Variants in PRDM11 observed in about 807,000 individuals in gnomAD.
The protein encoded by PRDM11 is PR domain-containing protein 11.
A neutral mutation model predicts 97.8 loss-of-function variants in PRDM11; 20 were observed. The observed-to-expected ratio is 0.20, with a 90% CI of 0.14 to 0.30. The LOEUF (loss-of-function observed/expected upper bound fraction) is 0.30. Among genes scored for constraint, PRDM11 ranks in the 10% least tolerant of loss-of-function variants. The pLI is 1.00. For missense variants in PRDM11, 1,139 were observed against 1,555.2 expected, an observed-to-expected ratio of 0.73 and a Z score of 4.50; for synonymous variants, 599 against 637.7, an observed-to-expected ratio of 0.94 and a Z score of 0.91.
chr11:45,178,247 G>A (rs990200786), intron 1 of PRDM11, among the ~76,000 whole-genome samples: 5 of 151,590 alleles, frequency 3.3e-5, no homozygotes, highest in South Asian at 2.1e-4. Context: ...TGCCCTCCTC[G>A]TTTATTCCTA....
At chr11:45,148,038 G>C (rs1482701867) in intron 1 of PRDM11, among the ~76,000 whole-genome samples, 2 of 152,138 alleles carry the variant, frequency 1.3e-5, no homozygotes, top group African/African-American at 4.8e-5. Context: ...TGGGAGGGAG[G>C]AAGGTTCGGG....
At chr11:45,097,633 A>AT (rs1415909542) in intron 1 of PRDM11, among the ~76,000 whole-genome samples, 3 of 152,084 alleles carry the variant, frequency 2.0e-5, no homozygotes, top group Non-Finnish European at 4.4e-5. Flanking sequence ...TTTCACTACC[A>AT]TTTTTTCTGG....
At chr11:45,195,739 CT>C (rs1001478905) in intron 4 of PRDM11, among the ~76,000 whole-genome samples, 24 of 147,716 alleles carry the variant, frequency 1.6e-4, no homozygotes, top group Non-Finnish European at 1.7e-4. Context: ...ATGCCCAGCT[CT>C]TTTTTTTTTG....
In PRDM11 at chr11:45,226,898, T is replaced by C. The variant is rs1424873953; in HGVS notation, c.2273T>C (p.Leu758Pro). The C allele has an allele frequency of 3.3e-6, 5 of 1,533,822 alleles. No homozygotes were observed. The highest frequency in any genetic ancestry group is 4.4e-6 in the Non-Finnish European group (5 of 1,146,740). The change falls in exon 8 of 8, where the codon CTG becomes CCG. Residue 758 changes from leucine (L) to proline (P), a missense_variant. Coordinates refer to ENST00000683152, the MANE Select transcript of PRDM11 (RefSeq NM_001384648.1). ...AAGACGCTGCCCTGGCTGCTGTGCCTGCCCTTCATGGTGCACCGGCCCCAC... is the reference window on the plus strand; with the variant it reads ...AAGACGCTGCCCTGGCTGCTGTGCCCGCCCTTCATGGTGCACCGGCCCCAC... ...IRKTLPWLLCLPFMVHRPHLE... is the reference protein window; with the variant it reads ...IRKTLPWLLCPPFMVHRPHLE...
At chr11:45,217,853 G>A (rs1228912617) in intron 5 of PRDM11, among the ~76,000 whole-genome samples, 3 of 152,316 alleles carry the variant, frequency 2.0e-5, no homozygotes, top group Non-Finnish European at 2.9e-5. Context: ...AGTGAGGTGC[G>A]TGACAGTAAT....
intron 4 of PRDM11, 24 bp from the exon 5 acceptor site, chr11:45,204,687 C>T (rs1300793684): frequency 6.2e-7 from 1 of 1,600,152 alleles, no homozygotes; most frequent in East Asian, 2.2e-5. Flanking sequence ...ATGGCCCATC[C>T]TAGACTCTTT....
chr11:45,158,993 C>A (rs976379059), intron 1 of PRDM11, among the ~76,000 whole-genome samples: 3 of 152,186 alleles, frequency 2.0e-5, no homozygotes, highest in African/African-American at 4.8e-5. Context: ...TTGAGCCCCC[C>A]CTTCCTAGTT....
intron 5 of PRDM11, among the ~76,000 whole-genome samples, chr11:45,212,296 G>A (rs868462321): frequency 6.6e-6 from 1 of 152,162 alleles, no homozygotes; most frequent in Non-Finnish European, 1.5e-5. Context: ...CTGGGCCCAC[G>A]CACCTCAGGG....
At position 45,228,759 on chromosome 11, in the gene PRDM11, CTTT is replaced by C. The variant is rs1206174622; in HGVS notation, c.*605_*607del. 2 of 151,960 alleles carry C rather than the reference CTTT, an allele frequency of 1.3e-5. No individual in the cohort carries two copies. The highest frequency in any genetic ancestry group is 2.4e-5 in the African/African-American group (1 of 41,358). 9.4% of individuals were successfully genotyped at this position (151,960 alleles called of 1,614,324 possible). On this transcript the variant is annotated 3_prime_UTR_variant, in exon 8 of 8. Coordinates refer to ENST00000683152, the MANE Select transcript of PRDM11 (RefSeq NM_001384648.1). The stretch of plus-strand genomic sequence containing the variant: ...TCCCCACCTGACTTCAGCTTGAGAT[CTTT>C]TTTTATTCATTTCCTGATGAGGGTT...
At chr11:45,120,272 A>C (rs952282480) in intron 1 of PRDM11, among the ~76,000 whole-genome samples, 2 of 152,222 alleles carry the variant, frequency 1.3e-5, no homozygotes, top group African/African-American at 4.8e-5. Flanking sequence ...ACATATGTGG[A>C]GTATCAGAAA....
chr11:45,134,282 C>T (rs148250666), intron 1 of PRDM11, among the ~76,000 whole-genome samples: 47 of 152,270 alleles, frequency 3.1e-4, no homozygotes, highest in Non-Finnish European at 5.7e-4. Flanking sequence ...TTTAGTCTTA[C>T]GATCATGTTC....
chr11:45,182,544 T>G (rs1284301585), intron 3 of PRDM11, among the ~76,000 whole-genome samples, 195 bp downstream of exon 3: 73 of 152,322 alleles, frequency 4.8e-4, no homozygotes, highest in Non-Finnish European at 1.8e-4. Flanking sequence ...GATAGCACAC[T>G]GAGTCTTGGT....
At chr11:45,182,656 G>C (rs180818759) in intron 3 of PRDM11, among the ~76,000 whole-genome samples, 16 of 152,294 alleles carry the variant, frequency 1.1e-4, no homozygotes, top group African/African-American at 3.1e-4. Flanking sequence ...TAAAACTTGA[G>C]ACAAAGGTAG....
At position 45,101,567 on chromosome 11, in the gene PRDM11, A is replaced by AGAAGAAGAAGAAGAAG. The variant is rs1554963214; in HGVS notation, c.96+5666_96+5667insGAAGAAGAAGAAGAAG. Reference sequence around the variant, plus strand: ...CAACACTCTGTCTCAAAAAAAAAAAAAAGAAGAAGAAGAAGAAGAAGAAGA... The same window carrying AGAAGAAGAAGAAGAAG: ...CAACACTCTGTCTCAAAAAAAAAAAAGAAGAAGAAGAAGAAGAAGAAGAAGAAGAAGAAGAAGAAGA... On this transcript the variant is annotated intron_variant, in intron 1 of 6. Transcript: ENST00000530656. Among the ~76,000 whole-genome samples the AGAAGAAGAAGAAGAAG allele has an allele frequency of 3.5e-4, 34 of 96,864 alleles. 3 individuals are homozygous for AGAAGAAGAAGAAGAAG. The highest frequency in any genetic ancestry group is 1.5e-3 in the African/African-American group (30 of 20,550). 63.5% of individuals were successfully genotyped at this position (96,864 alleles called of 152,430 possible).
intron 1 of PRDM11, among the ~76,000 whole-genome samples, chr11:45,126,700 A>G (rs904654405): frequency 2.1e-4 from 32 of 152,220 alleles, no homozygotes; most frequent in African/African-American, 7.7e-4. Context: ...TTCTGCCGAG[A>G]GATCCACTGT....
In PRDM11 at chr11:45,234,860, G is replaced by A. The variant is rs545153406; in HGVS notation, c.*6701G>A. 1.4e-4 allele frequency: 22 copies of A among 152,252 alleles called. No homozygotes were observed. Among genetic ancestry groups the A allele is most frequent in the African/African-American group, 5.3e-4 (22 of 41,538 alleles). 9.4% of individuals were successfully genotyped at this position (152,252 alleles called of 1,614,324 possible). ...CATGTCAATCACAAAGGAAAAATAA[G>A]TGGGGATGGGGGGAAATACCTAGGA... On this transcript the variant is annotated 3_prime_UTR_variant, in exon 8 of 8. Coordinates refer to ENST00000683152, the MANE Select transcript of PRDM11 (RefSeq NM_001384648.1).
At chr11:45,193,266 A>T (rs1852979454) in intron 4 of PRDM11, among the ~76,000 whole-genome samples, 1 of 152,178 alleles carries the variant, frequency 6.6e-6, no homozygotes, top group African/African-American at 2.4e-5. Context: ...AACTGCCATG[A>T]TGTGTCTTGG....
intron 1 of PRDM11, among the ~76,000 whole-genome samples, chr11:45,104,849 G>A (rs989003919): frequency 6.6e-6 from 1 of 152,190 alleles, no homozygotes; most frequent in Non-Finnish European, 1.5e-5. Context: ...GCCTTGTGAT[G>A]TCCAAGCAGC....
intron 4 of PRDM11, among the ~76,000 whole-genome samples, chr11:45,188,967 T>C (rs575959984): frequency 6.6e-5 from 10 of 152,316 alleles, no homozygotes; most frequent in Middle Eastern, 6.8e-3. Context: ...AGTGGTACGA[T>C]CTCAGCTCAC....
Sources: allele counts gnomAD v4.1 joint callset (sites outside exome capture counted in the v4.1 genomes callset), GRCh38; gene constraint gnomAD v4.1.1; transcripts MANE v1.5; gene names NCBI Gene and HGNC (gene_info 2026-07-23, HGNC 2026-07-21).